RARB: variants seen among roughly 807,000 people sequenced by gnomAD.
RARB encodes the protein retinoic acid receptor beta, also known as HBV-activated protein.
In RARB, 17 loss-of-function variants were observed where a neutral mutation model predicts 51.9. That is an observed-to-expected ratio of 0.33 (90% CI 0.22 to 0.49). The LOEUF is 0.49. RARB is among the 20% of genes least tolerant of loss of function. The pLI, the probability that RARB is intolerant of heterozygous loss-of-function variation, is 0.99. For synonymous variants in RARB, 215 were observed against 195.4 expected, an observed-to-expected ratio of 1.10 and a Z score of -0.84; for missense variants, 369 against 550.8, an observed-to-expected ratio of 0.67 and a Z score of 3.30.
intron 1 of RARB, among the ~76,000 whole-genome samples, chr3:25,447,999 A>G (rs1420230784): frequency 6.6e-6 from 1 of 152,102 alleles, no homozygotes; most frequent in Admixed American, 6.6e-5. Flanking sequence ...GCATTGTGCA[A>G]AGTACTTTAA....
intron 5 of RARB, among the ~76,000 whole-genome samples, chr3:25,298,396 G>A (rs1269297334): frequency 2.0e-5 from 3 of 151,946 alleles, no homozygotes; most frequent in Admixed American, 2.0e-4. Flanking sequence ...TGGTCAGGCT[G>A]GTCTCCAACT....
rs532694489 is a variant in RARB at position 25,211,776 on chromosome 3, A to G, written c.178+37201A>G. ...AAACAATATATAAATGAATATGTAC[A>G]TCTGTGTTCTAGCAAAAATTTATAA... On this transcript the variant is annotated intron_variant, in intron 5 of 11. Coordinates refer to the RARB transcript ENST00000383772. 2.6e-5 allele frequency among the ~76,000 whole-genome samples: 4 copies of G among 152,330 alleles called. No individual in the cohort carries two copies. In the South Asian group the frequency reaches 6.2e-4, roughly 24 times the overall value.
intron 5 of RARB, among the ~76,000 whole-genome samples, chr3:25,291,616 C>G (rs1315717412): frequency 6.6e-6 from 1 of 151,868 alleles, no homozygotes; most frequent in Non-Finnish European, 1.5e-5. Context: ...TGCAGGATCT[C>G]TATAGCAACC....
chr3:25,122,077 G>T lies in RARB; in HGVS notation c.-327-10084G>T, dbSNP rs141485873. Among the ~76,000 whole-genome samples the T allele has an allele frequency of 3.6e-3, 552 of 152,254 alleles. 5 individuals carry two copies. The highest frequency in any genetic ancestry group is 4.7e-3 in the Non-Finnish European group (317 of 68,016). ...TGTATCAGTTAGGATAATGTTAATT[G>T]TTCCAACACAGAAACCCACAACGCA... On this transcript the variant is annotated intron_variant, in intron 3 of 11. Coordinates refer to the RARB transcript ENST00000383772.
chr3:25,113,188 T>C (rs937755643), intron 3 of RARB, among the ~76,000 whole-genome samples: 1 of 152,220 alleles, frequency 6.6e-6, no homozygotes. Flanking sequence ...TTATCTGAAC[T>C]CATGTGGTCT....
At chr3:25,212,945 G>A (rs1029074915) in intron 5 of RARB, among the ~76,000 whole-genome samples, 3 of 152,186 alleles carry the variant, frequency 2.0e-5, no homozygotes, top group African/African-American at 7.2e-5. Context: ...AAGTAAGGAA[G>A]GTCCCTGAGC....
chr3:25,053,028 A>C (rs1255832403), intron 2 of RARB, among the ~76,000 whole-genome samples: 1 of 152,168 alleles, frequency 6.6e-6, no homozygotes, highest in Non-Finnish European at 1.5e-5. Flanking sequence ...AATTTAGTTG[A>C]GATGTGAGTT....
chr3:25,346,905 G>C (rs1310151821), intron 5 of RARB, among the ~76,000 whole-genome samples: 5 of 152,210 alleles, frequency 3.3e-5, no homozygotes, highest in Admixed American at 2.0e-4. Flanking sequence ...ATTGATATTA[G>C]GTCTGCCCTC....
chr3:25,259,059 A>T (rs56825831), intron 5 of RARB: 2 of 985,036 alleles, frequency 2.0e-6, no homozygotes, highest in Middle Eastern at 5.2e-4. Flanking sequence ...GAATGTGAAC[A>T]TACTTCAGTA....
intron 2 of RARB, among the ~76,000 whole-genome samples, chr3:24,913,027 C>G (rs1032562495): frequency 1.1e-4 from 13 of 118,994 alleles, no homozygotes; most frequent in Non-Finnish European, 2.2e-4. Context: ...GTCGCTCAGG[C>G]TGGAGTGCAG....
rs552056084 is a variant in RARB, at chr3:24,962,324, C to G, written c.-379-97801C>G. On this transcript the variant is annotated intron_variant, in intron 2 of 11. Transcript: ENST00000383772. Reference sequence around the variant, plus strand: ...TGAGCGAGATAATTCTTGATTGCTGCGGGCTGTCCCATGCCTTGTAGGATA... The same window carrying G: ...TGAGCGAGATAATTCTTGATTGCTGGGGGCTGTCCCATGCCTTGTAGGATA... Among the ~76,000 whole-genome samples the G allele has an allele frequency of 9.6e-4, 146 of 152,180 alleles. 1 individual carries two copies. The highest frequency in any genetic ancestry group is 3.4e-3 in the African/African-American group (140 of 41,534).
rs559135603 is a variant in RARB at position 25,516,631 on chromosome 3, C to CTTTTTTTTTTTTTTTTTTTTTTTTT, written c.448+15321_448+15322insTTTTTTTTTTTTTTTTTTTTTTTTT. Among the ~76,000 whole-genome samples the CTTTTTTTTTTTTTTTTTTTTTTTTT allele has an allele frequency of 5.2e-4, 68 of 131,714 alleles. 6 individuals are homozygous for CTTTTTTTTTTTTTTTTTTTTTTTTT. Among genetic ancestry groups the CTTTTTTTTTTTTTTTTTTTTTTTTT allele is most frequent in the African/African-American group, 2.1e-3 (63 of 30,442 alleles). 86.4% of individuals were successfully genotyped at this position (131,714 alleles called of 152,430 possible). ...CAAAGGTTCATCTTTATTTCCTTGT[C>CTTTTTTTTTTTTTTTTTTTTTTTTT]TTTTTTTTTTTTTGAGACAGGGTCA... On this transcript the variant is annotated intron_variant, in intron 3 of 7. Transcript: ENST00000330688.
At chr3:25,484,889 A>G (rs752203837) in intron 2 of RARB, among the ~76,000 whole-genome samples, 7 of 152,304 alleles carry the variant, frequency 4.6e-5, no homozygotes, top group Middle Eastern at 3.4e-3. Flanking sequence ...ATGCTGGAGT[A>G]CAACTGGGTT....
intron 5 of RARB, among the ~76,000 whole-genome samples, chr3:25,212,991 G>A (rs1409133723): frequency 6.6e-6 from 1 of 152,158 alleles, no homozygotes; most frequent in East Asian, 1.9e-4. Context: ...TTCACTCTCA[G>A]GAGAAGCTCT....
rs1708055304 is a variant in RARB at position 25,428,268 on chromosome 3, AGAAGTAGTAG to A, written c.-458_-449del. ...AATTCAATCTTTCATTCTGTGTGAC[AGAAGTAGTAG>A]GAAGTGAGCTGTTCAGAGGCAGGAG... On this transcript the variant is annotated 5_prime_UTR_variant, in exon 1 of 8. Transcript: ENST00000330688. The A allele has an allele frequency of 1.9e-5, 23 of 1,233,462 alleles. No individual in the cohort carries two copies. Among genetic ancestry groups the A allele is most frequent in the Non-Finnish European group, 2.2e-5 (22 of 989,126 alleles). 76.4% of individuals were successfully genotyped at this position (1,233,462 alleles called of 1,614,324 possible).
rs180934075 is a variant in RARB, at chr3:25,194,925, A to C, written c.178+20350A>C. Reference sequence around the variant, plus strand: ...CTGCTTTTCAAAGCATGCTTGAAAGAGTATGGTGGAAAAGGACACTAATTC... The same window carrying C: ...CTGCTTTTCAAAGCATGCTTGAAAGCGTATGGTGGAAAAGGACACTAATTC... On this transcript the variant is annotated intron_variant, in intron 5 of 11. Transcript: ENST00000383772. 2.7e-3 allele frequency among the ~76,000 whole-genome samples: 406 copies of C among 152,090 alleles called. 2 individuals carry two copies. Among genetic ancestry groups the C allele is most frequent in the African/African-American group, 9.4e-3 (391 of 41,536 alleles).
At chr3:25,487,995 C>A in intron 2 of RARB, among the ~76,000 whole-genome samples, 1 of 152,170 alleles carries the variant, frequency 6.6e-6, no homozygotes, top group East Asian at 1.9e-4. Context: ...TATTTTCCAG[C>A]CTGGAGGGAG....
intron 3 of RARB, among the ~76,000 whole-genome samples, chr3:25,568,990 GA>G (rs199853415): frequency 0.014 from 2,208 of 152,372 alleles, 21 homozygotes; most frequent in Middle Eastern, 0.037. Context: ...CCTGGGCCCT[GA>G]CTTTGTGCCT....
intron 2 of RARB, among the ~76,000 whole-genome samples, chr3:24,994,212 A>G (rs1696974267): frequency 6.6e-6 from 1 of 152,122 alleles, no homozygotes; most frequent in South Asian, 2.1e-4. Context: ...CTAGGGTGAG[A>G]TGATACCTCA....
Sources: gnomAD v4.1 joint callset for allele counts (sites outside exome capture counted in the v4.1 genomes callset) on GRCh38, gnomAD v4.1.1 for gene constraint, MANE v1.5 for transcripts, NCBI Gene and HGNC (gene_info 2026-07-23, HGNC 2026-07-21) for gene names.